The following MTHFD1L variants were observed in gnomAD, a reference collection of about 807,000 sequenced individuals.
MTHFD1L encodes monofunctional C1-tetrahydrofolate synthase, mitochondrial.
MTHFD1L carries 81 observed loss-of-function variants against 119.5 expected under a neutral mutation model. That is an observed-to-expected ratio of 0.68 (90% CI 0.57 to 0.82). The LOEUF (loss-of-function observed/expected upper bound fraction) is 0.82. Among genes scored for constraint, MTHFD1L ranks in the 40% least tolerant of loss-of-function variants. MTHFD1L has a pLI of 0.00. For missense variants in MTHFD1L, 1,125 were observed against 1,253.4 expected (o/e 0.90, Z 1.55); for synonymous variants, 430 against 475.2 (o/e 0.90, Z 1.24).
chr6:151,080,302 C>T (rs1240083576), intron 26 of MTHFD1L, among the ~76,000 whole-genome samples: 2 of 152,192 alleles, frequency 1.3e-5, no homozygotes, highest in Non-Finnish European at 2.9e-5. Flanking sequence ...TTTTGGTCCA[C>T]GTTTTTTTCT....
At chr6:150,927,868 TCAATAAGTG>T (rs1162415284) in intron 11 of MTHFD1L, among the ~76,000 whole-genome samples, 1 of 152,110 alleles carries the variant, frequency 6.6e-6, no homozygotes, top group Non-Finnish European at 1.5e-5. Context: ...TCTAGTTCCA[TCAATAAGTG>T]CTACCCTGGT....
chr6:151,065,591 C>G (rs1791139277), intron 26 of MTHFD1L, among the ~76,000 whole-genome samples: 2 of 152,222 alleles, frequency 1.3e-5, no homozygotes, highest in Admixed American at 1.3e-4. Flanking sequence ...CTTCTGTTCA[C>G]AGTGTGATCT....
intron 6 of MTHFD1L, among the ~76,000 whole-genome samples, chr6:150,885,949 A>G (rs1782181799): frequency 6.6e-6 from 1 of 152,248 alleles, no homozygotes; most frequent in African/African-American, 2.4e-5. Context: ...ACAGATGAAT[A>G]CCTAGAAACT....
At chr6:151,041,952 A>C in intron 26 of MTHFD1L, 1 of 385,694 alleles carries the variant, frequency 2.6e-6, no homozygotes, top group Non-Finnish European at 5.2e-6. Context: ...TTCCATGTTC[A>C]CTTATAGGCC....
In MTHFD1L at chr6:150,992,781, G is replaced by A. The variant is rs117106795; in HGVS notation, c.2126-17038G>A. ...TCCTGCATTTCCCTTGGGTTGAATG[G>A]TAGGGATGCGGGCAGTTGGTGACTG... is the stretch of plus-strand genomic sequence containing the variant. On this transcript the variant is annotated intron_variant, in intron 20 of 27. Transcript: ENST00000367321. 6.9e-3 allele frequency among the ~76,000 whole-genome samples: 1,057 copies of A among 152,278 alleles called. 9 individuals are homozygous for A. Among genetic ancestry groups the A allele is most frequent in the Non-Finnish European group, 9.5e-3 (647 of 68,026 alleles).
chr6:151,050,404 C>T (rs1484739301), intron 26 of MTHFD1L, among the ~76,000 whole-genome samples: 1 of 152,200 alleles, frequency 6.6e-6, no homozygotes, highest in African/African-American at 2.4e-5. Context: ...TTAGGTGACC[C>T]GCCCGCCTTG....
chr6:151,092,340 G>C, intron 26 of MTHFD1L, 127 bp from the exon 27 acceptor site: 1 of 663,496 alleles, frequency 1.5e-6, no homozygotes, highest in Non-Finnish European at 2.6e-6. Flanking sequence ...AATTTAAAGA[G>C]ATATATCCCA....
chr6:150,898,827 G>GATTATTATTATT (rs149723194), intron 7 of MTHFD1L: 2 of 354,102 alleles, frequency 5.6e-6, no homozygotes, highest in Non-Finnish European at 1.1e-5. Context: ...GTATAGGGAA[G>GATTATTATTATT]ATTATTATTA....
chr6:151,002,238 C>G (rs1780721265), intron 20 of MTHFD1L, among the ~76,000 whole-genome samples: 1 of 152,108 alleles, frequency 6.6e-6, no homozygotes, highest in African/African-American at 2.4e-5. Context: ...GCAGACAGGC[C>G]TTGGTTTTAG....
chr6:151,029,156 C>T (rs921275184), intron 24 of MTHFD1L, among the ~76,000 whole-genome samples: 58 of 151,332 alleles, frequency 3.8e-4, no homozygotes, highest in African/African-American at 1.1e-3. Context: ...CACAGTGGCT[C>T]ACACCTGAAA....
chr6:150,964,840 G>A, intron 18 of MTHFD1L, 129 bp from the exon 19 acceptor site: 1 of 711,086 alleles, frequency 1.4e-6, no homozygotes, highest in Non-Finnish European at 2.5e-6. Flanking sequence ...CAGCAGCACT[G>A]TCCCCTGTGG....
intron 20 of MTHFD1L, among the ~76,000 whole-genome samples, chr6:150,997,002 T>C (rs1355956065): frequency 1.3e-5 from 2 of 152,156 alleles, no homozygotes; most frequent in Non-Finnish European, 2.9e-5. Context: ...CCAGACTCAC[T>C]ACCTCAGGGG....
chr6:150,937,680 C>T (rs1321361474), intron 12 of MTHFD1L, among the ~76,000 whole-genome samples: 9 of 152,182 alleles, frequency 5.9e-5, no homozygotes, highest in Non-Finnish European at 1.3e-4. Context: ...GTTTTGGTCA[C>T]AGCTGTGTTT....
intron 20 of MTHFD1L, among the ~76,000 whole-genome samples, chr6:150,999,877 C>T (rs962787733): frequency 7.9e-5 from 12 of 152,304 alleles, no homozygotes; most frequent in African/African-American, 2.4e-4. Flanking sequence ...AATATGTTCA[C>T]GTGTACCTGT....
intron 7 of MTHFD1L, among the ~76,000 whole-genome samples, chr6:150,888,787 T>C (rs905942736): frequency 6.6e-6 from 1 of 152,152 alleles, no homozygotes; most frequent in Admixed American, 6.5e-5. Context: ...TAGGATAATA[T>C]GGTAGACAAA....
intron 24 of MTHFD1L, among the ~76,000 whole-genome samples, chr6:151,034,094 T>A (rs1176896890): frequency 2.0e-5 from 3 of 151,748 alleles, no homozygotes; most frequent in Admixed American, 6.6e-5. Context: ...GATGGGAGGA[T>A]CACTTGAGCC....
chr6:151,078,742 A>T (rs1480852253), intron 26 of MTHFD1L, among the ~76,000 whole-genome samples: 1 of 152,016 alleles, frequency 6.6e-6, no homozygotes, highest in East Asian at 1.9e-4. Flanking sequence ...TTTTCTCTGG[A>T]ATCTGTTAGA....
chr6:151,031,279 G>T (rs1454432960), intron 24 of MTHFD1L, among the ~76,000 whole-genome samples: 1 of 152,118 alleles, frequency 6.6e-6, no homozygotes, highest in Admixed American at 6.5e-5. Flanking sequence ...TTTTTGTATG[G>T]CATGGCCCTC....
At chr6:150,963,762 CT>C (rs922155322) in intron 18 of MTHFD1L, among the ~76,000 whole-genome samples, 3 of 152,120 alleles carry the variant, frequency 2.0e-5, no homozygotes, top group Admixed American at 6.6e-5. Flanking sequence ...TTTTCCCCCC[CT>C]AGAGCTACCG....
Sources: allele counts gnomAD v4.1 joint callset (sites outside exome capture counted in the v4.1 genomes callset), GRCh38; gene constraint gnomAD v4.1.1; transcripts MANE v1.5; gene names NCBI Gene and HGNC (gene_info 2026-07-23, HGNC 2026-07-21).